The following STK31 variants were observed in gnomAD, a reference collection of about 807,000 sequenced individuals.
STK31 encodes the protein serine/threonine kinase 31.
STK31 carries 89 observed loss-of-function variants against 129.7 expected under a neutral mutation model. The observed-to-expected ratio is 0.69, with a 90% CI of 0.58 to 0.82. The LOEUF is 0.82. Among genes scored for constraint, STK31 ranks in the 40% least tolerant of loss-of-function variants. The pLI, the probability that STK31 is intolerant of heterozygous loss-of-function variation, is 0.00. For missense variants in STK31, 1,187 were observed against 1,176.4 expected, an observed-to-expected ratio of 1.01 and a Z score of -0.13; for synonymous variants, 448 against 395.3, an observed-to-expected ratio of 1.13 and a Z score of -1.58.
At chr7:23,719,884 C>T (rs1337528871) in intron 4 of STK31, among the ~76,000 whole-genome samples, 2 of 152,040 alleles carry the variant, frequency 1.3e-5, no homozygotes, top group East Asian at 3.8e-4. Flanking sequence ...CTTCCTTAAC[C>T]AAATCTGAGC....
In STK31 at chr7:23,730,856, TTATA is replaced by T. The variant is rs201160478; in HGVS notation, c.483+1627_483+1630del. ...TATATATGGTACTGTATATAAACAT[TTATA>T]TATATATATATATATATATTTTTTT... On this transcript the variant is annotated intron_variant, in intron 6 of 23. Coordinates refer to ENST00000355870, the MANE Select transcript of STK31 (RefSeq NM_031414.5). Among the ~76,000 whole-genome samples the T allele has an allele frequency of 5.5e-3, 414 of 75,226 alleles. 14 individuals carry two copies. The highest frequency in any genetic ancestry group is 0.019 in the African/African-American group (370 of 19,932). The allele number at this position is 75,226 out of a possible 152,430, so 49.4% of individuals were successfully genotyped here.
chr7:23,815,857 C>T (rs1477905052), intron 23 of STK31, among the ~76,000 whole-genome samples: 1 of 150,008 alleles, frequency 6.7e-6, no homozygotes, highest in Non-Finnish European at 1.5e-5. Context: ...ATTTTTAGTT[C>T]TGCAAAGAAA....
At chr7:23,730,125 C>T (rs935507268) in intron 6 of STK31, among the ~76,000 whole-genome samples, 1 of 152,126 alleles carries the variant, frequency 6.6e-6, no homozygotes, top group African/African-American at 2.4e-5. Context: ...AGGAATTCTA[C>T]CTCTTTTAAA....
intron 3 of STK31, among the ~76,000 whole-genome samples, chr7:23,713,973 G>T (rs1015364346): frequency 1.3e-5 from 2 of 152,008 alleles, no homozygotes; most frequent in Non-Finnish European, 2.9e-5. Flanking sequence ...ACTGGGGCAC[G>T]GTAGGTTTAC....
chr7:23,727,605 CA>C (rs1787167515), intron 5 of STK31: 2 of 286,562 alleles, frequency 7.0e-6, no homozygotes, highest in Non-Finnish European at 1.2e-5. Flanking sequence ...CTGTGTCGCC[CA>C]GGCTGGAGTG....
rs1192410159 is a variant in STK31 at position 23,762,918 on chromosome 7, T to C, written c.1411T>C (p.Leu471=). The C allele has an allele frequency of 1.3e-6, 2 of 1,564,902 alleles. No individual in the cohort carries two copies. The highest frequency in any genetic ancestry group is 1.7e-6 in the Non-Finnish European group (2 of 1,162,348). The change falls in exon 11 of 24, where the codon TTG becomes CTG. Residue 471 remains leucine, a synonymous_variant. Coordinates refer to ENST00000355870, the MANE Select transcript of STK31 (RefSeq NM_031414.5). ...ESSLNKRLKT[L]QDLSVSLEAV... is the part of the protein sequence containing the mutation. ...ATCTCTTAATAAACGCTTAAAAACATTGCAGGTTGGAATTAAAAATATATT... is the reference window on the plus strand; with the variant it reads ...ATCTCTTAATAAACGCTTAAAAACACTGCAGGTTGGAATTAAAAATATATT...
intron 8 of STK31, among the ~76,000 whole-genome samples, chr7:23,740,905 C>T (rs577129376): frequency 1.3e-5 from 2 of 152,240 alleles, no homozygotes; most frequent in African/African-American, 4.8e-5. Flanking sequence ...CTAGTTTGTT[C>T]AGTAAAGGCA....
At position 23,731,954 on chromosome 7, in the gene STK31, A is replaced by C. The variant is rs191112686; in HGVS notation, c.483+2705A>C. Reference sequence around the variant, plus strand: ...ATGAAATATATTTCTAAAAAGTGACATTCATCTTTTTTAATGATTGAAAGC... The same window carrying C: ...ATGAAATATATTTCTAAAAAGTGACCTTCATCTTTTTTAATGATTGAAAGC... On this transcript the variant is annotated intron_variant, in intron 6 of 23. Transcript: ENST00000355870. Among the ~76,000 whole-genome samples the C allele has an allele frequency of 2.0e-5, 3 of 152,244 alleles. No individual in the cohort carries two copies. The South Asian group carries it at 6.2e-4, about 32-fold the overall frequency.
chr7:23,763,153 C>T (rs1215125917), intron 11 of STK31, among the ~76,000 whole-genome samples: 4 of 152,088 alleles, frequency 2.6e-5, no homozygotes, highest in Non-Finnish European at 5.9e-5. Context: ...CTAGGGACTC[C>T]AGTATTCACT....
intron 23 of STK31, among the ~76,000 whole-genome samples, chr7:23,819,198 T>C (rs1286586846): frequency 6.6e-6 from 1 of 152,186 alleles, no homozygotes; most frequent in East Asian, 1.9e-4. Flanking sequence ...ATTTAATTGT[T>C]TGCACCTAGG....
chr7:23,737,211 T>G (rs1433827294), intron 8 of STK31, 133 bp downstream of exon 8: 1 of 765,586 alleles, frequency 1.3e-6, no homozygotes, highest in African/African-American at 1.8e-5. Flanking sequence ...TGTATTTGTT[T>G]ATAGGTGAAT....
rs753698950 is a variant in STK31 at position 23,781,464 on chromosome 7, A to G, written c.2011A>G (p.Ile671Val). ...TCAAATTGAGAAAATAAAAGAAGAA[A>G]TAACTCAGCTGCGCAATAATGTCTT... Reference protein sequence around the residue: ...GSQIEKIKEEITQLRNNVFQE... With the variant: ...GSQIEKIKEEVTQLRNNVFQE... The change falls in exon 16 of 24, where the codon ATA becomes GTA. Residue 671 changes from isoleucine to valine, a missense_variant. Physicochemically the swap from Ile to Val is conservative, Grantham distance 29. Around this residue, in one of 5 missense-constraint regions of STK31, gnomAD observed 975 missense variants for 934.9 expected, o/e 1.04. Transcript: ENST00000355870. The G allele has an allele frequency of 1.4e-5, 22 of 1,611,868 alleles. No homozygotes were observed. Among genetic ancestry groups the G allele is most frequent in the Middle Eastern group, 3.3e-4 (2 of 6,040 alleles).
chr7:23,802,544 C>T (rs1792442629), intron 22 of STK31, among the ~76,000 whole-genome samples: 1 of 152,132 alleles, frequency 6.6e-6, no homozygotes, highest in African/African-American at 2.4e-5. Context: ...GACGCAGTCT[C>T]ACTCTGTCAC....
intron 22 of STK31, among the ~76,000 whole-genome samples, chr7:23,805,487 A>T (rs976320377): frequency 1.3e-5 from 2 of 151,660 alleles, no homozygotes; most frequent in Non-Finnish European, 2.9e-5. Context: ...TTTATTTTTT[A>T]TTTTTTTATT....
intron 23 of STK31, among the ~76,000 whole-genome samples, chr7:23,828,111 T>C (rs1794292817): frequency 6.6e-6 from 1 of 152,198 alleles, no homozygotes; most frequent in African/African-American, 2.4e-5. Context: ...ACCACTACTC[T>C]CTTCAAAGCT....
At chr7:23,720,423 G>GC (rs1327388459) in intron 4 of STK31, among the ~76,000 whole-genome samples, 1 of 152,094 alleles carries the variant, frequency 6.6e-6, no homozygotes, top group Non-Finnish European at 1.5e-5. Context: ...CAGGAAGGTG[G>GC]CCATCACTCA....
At chr7:23,763,072 TA>T in intron 11 of STK31, 149 bp downstream of exon 11, 1 of 683,308 alleles carries the variant, frequency 1.5e-6, no homozygotes, top group Non-Finnish European at 2.2e-6. Flanking sequence ...TTAATGGGAT[TA>T]AAAGTTTATA....
chr7:23,732,711 A>G (rs1233357490), intron 6 of STK31, among the ~76,000 whole-genome samples: 1 of 152,170 alleles, frequency 6.6e-6, no homozygotes, highest in Non-Finnish European at 1.5e-5. Flanking sequence ...GGTAATTGAA[A>G]CTTTTGTAGA....
rs150669116 is a variant in STK31, at chr7:23,820,614, C to G, written c.2829+5402C>G. Among the ~76,000 whole-genome samples, 1,097 of 152,232 alleles carry G rather than the reference C, an allele frequency of 7.2e-3. 14 individuals are homozygous for G. Among genetic ancestry groups the G allele is most frequent in the African/African-American group, 0.026 (1,061 of 41,550 alleles). The stretch of plus-strand genomic sequence containing the variant: ...CCTACTCTGCTATCAATCACTAGTA[C>G]TTATTTCTTCTGTCAACCTGGTTGT... On this transcript the variant is annotated intron_variant, in intron 23 of 23. Transcript: ENST00000355870.
Sources: allele counts gnomAD v4.1 joint callset (sites outside exome capture counted in the v4.1 genomes callset), GRCh38; gene constraint gnomAD v4.1.1; regional missense constraint gnomAD v4.1.1; transcripts MANE v1.5; gene names NCBI Gene and HGNC (gene_info 2026-07-23, HGNC 2026-07-21).